The following HIPK2 variants were observed in gnomAD, a reference collection of about 807,000 sequenced individuals.
HIPK2 encodes homeodomain interacting protein kinase 2, also known as homeodomain-interacting protein kinase 2.
A neutral mutation model predicts 113.7 loss-of-function variants in HIPK2; 27 were observed. The observed-to-expected ratio is 0.24, with a 90% CI of 0.17 to 0.33. The LOEUF (loss-of-function observed/expected upper bound fraction) is 0.33, where lower values mean the gene tolerates loss of function less well. HIPK2 is among the 10% of genes least tolerant of loss of function. The probability of loss-of-function intolerance (pLI) is 1.00; values close to 1 mark genes in which losing one functional copy is unlikely to be tolerated. For missense variants in HIPK2, 1,257 were observed against 1,588.0 expected (o/e 0.79, Z 3.54); for synonymous variants, 631 against 642.2 (o/e 0.98, Z 0.26).
intron 2 of HIPK2, among the ~76,000 whole-genome samples, chr7:139,706,088 A>G (rs1794891273): frequency 6.6e-6 from 1 of 152,178 alleles, no homozygotes; most frequent in Non-Finnish European, 1.5e-5. Context: ...GTCTTGCTGC[A>G]TTTGGCCCCT....
intron 7 of HIPK2, among the ~76,000 whole-genome samples, chr7:139,617,217 TAATAACAAGA>T (rs1234186237): frequency 6.6e-6 from 1 of 152,102 alleles, no homozygotes; most frequent in Non-Finnish European, 1.5e-5. Flanking sequence ...TGACAGATAG[TAATAACAAGA>T]AAAAACAAGT....
rs756817319 is a variant in HIPK2 at position 139,631,188 on chromosome 7, G to A, written c.1324C>T (p.Pro442Ser). 6.2e-7 allele frequency: 1 copy of A among 1,613,370 alleles called. No homozygotes were observed. The highest frequency in any genetic ancestry group is 1.1e-5 in the South Asian group (1 of 90,822). ...TRFFNRDTDS[P>S]YPLWRLKTPD... is the part of the protein sequence containing the mutation. Reference sequence around the variant, plus strand: ...ACCTTCAGTCTCCACAAAGGATATGGTGAGTCCGTGTCACGGTTGAAAAAC... The same window carrying A: ...ACCTTCAGTCTCCACAAAGGATATGATGAGTCCGTGTCACGGTTGAAAAAC... The change falls in exon 4 of 15, where the codon CCA (proline) becomes TCA (serine). Residue 442 changes from proline (P) to serine (S), a missense_variant. Around this residue, in one of 5 missense-constraint regions of HIPK2, gnomAD observed 84 missense variants for 182.2 expected, o/e 0.46. Coordinates refer to ENST00000406875, the MANE Select transcript of HIPK2 (RefSeq NM_022740.5). This position sits in a 1 kb window ranked among gnomAD's most constrained non-coding sequence, Gnocchi z 4.9.
chr7:139,734,241 T>C (rs1795875518), intron 1 of HIPK2, among the ~76,000 whole-genome samples: 1 of 152,192 alleles, frequency 6.6e-6, no homozygotes, highest in Admixed American at 6.5e-5. Flanking sequence ...GAGATCAATG[T>C]GTCAAATGAT....
chr7:139,747,562 A>G (rs1396954823), intron 1 of HIPK2, among the ~76,000 whole-genome samples: 1 of 152,246 alleles, frequency 6.6e-6, no homozygotes, highest in Non-Finnish European at 1.5e-5. Flanking sequence ...GGAACGGCAG[A>G]CAAAGCCTCA....
At chr7:139,669,093 C>T (rs1282260137) in intron 2 of HIPK2, among the ~76,000 whole-genome samples, 1 of 152,220 alleles carries the variant, frequency 6.6e-6, no homozygotes, top group Admixed American at 6.5e-5. Context: ...ATCTCTTTCT[C>T]TGGATTAATC....
intron 1 of HIPK2, among the ~76,000 whole-genome samples, chr7:139,759,565 C>T (rs887093066): frequency 6.6e-6 from 1 of 152,018 alleles, no homozygotes; most frequent in Non-Finnish European, 1.5e-5. Context: ...CATCACACAT[C>T]AACAAAATGG....
chr7:139,644,061 CA>C (rs1467974406), intron 2 of HIPK2, among the ~76,000 whole-genome samples: 1 of 152,188 alleles, frequency 6.6e-6, no homozygotes, highest in Non-Finnish European at 1.5e-5. Context: ...CAAATGTTTG[CA>C]GAAGCACCTA....
At chr7:139,647,415 A>C (rs1801274403) in intron 2 of HIPK2, among the ~76,000 whole-genome samples, 2 of 152,330 alleles carry the variant, frequency 1.3e-5, no homozygotes, top group South Asian at 2.1e-4. Flanking sequence ...GATTGTGTGA[A>C]GAAGAAGTGA....
chr7:139,663,895 C>T (rs947352157), intron 2 of HIPK2, among the ~76,000 whole-genome samples: 5 of 152,208 alleles, frequency 3.3e-5, no homozygotes, highest in Non-Finnish European at 7.3e-5. Flanking sequence ...ACGAGTCTTC[C>T]TTCACCAGCT....
chr7:139,736,773 A>T (rs1795950391), intron 1 of HIPK2, among the ~76,000 whole-genome samples: 1 of 152,212 alleles, frequency 6.6e-6, no homozygotes. Context: ...CCATTTACCC[A>T]ACTAGGGTGC....
chr7:139,672,623 TA>T (rs1193809142), intron 2 of HIPK2, among the ~76,000 whole-genome samples: 2 of 152,148 alleles, frequency 1.3e-5, no homozygotes, highest in Non-Finnish European at 2.9e-5. Flanking sequence ...CACGCCCGCC[TA>T]ATTTTTTGTA....
chr7:139,722,759 C>T (rs375799432), intron 1 of HIPK2, among the ~76,000 whole-genome samples: 4 of 152,144 alleles, frequency 2.6e-5, no homozygotes, highest in Non-Finnish European at 4.4e-5. Flanking sequence ...TTCATTCTCA[C>T]AAAGGTCCTA....
intron 13 of HIPK2, among the ~76,000 whole-genome samples, chr7:139,575,933 G>T (rs1798476192): frequency 6.6e-6 from 1 of 152,368 alleles, no homozygotes. Context: ...CTGGCATCCT[G>T]TTCTTGGACT....
intron 2 of HIPK2, among the ~76,000 whole-genome samples, chr7:139,699,350 G>A (rs958344615): frequency 3.9e-5 from 6 of 152,118 alleles, no homozygotes; most frequent in East Asian, 1.9e-4. Flanking sequence ...CAGGCGAAAT[G>A]GAAAGTATTT....
intron 1 of HIPK2, among the ~76,000 whole-genome samples, chr7:139,728,307 C>G (rs1467287074): frequency 6.6e-6 from 1 of 152,118 alleles, no homozygotes; most frequent in South Asian, 2.1e-4. Flanking sequence ...ATGAATCTGC[C>G]AGGGTTGGGG....
intron 12 of HIPK2, among the ~76,000 whole-genome samples, chr7:139,587,153 G>T (rs552147194): frequency 6.6e-6 from 1 of 152,206 alleles, no homozygotes; most frequent in Non-Finnish European, 1.5e-5. Flanking sequence ...CACATTCAAC[G>T]GGTGAACTAT....
At position 139,562,153 on chromosome 7, in the gene HIPK2, TAGGAAAA is replaced by T; in HGVS notation, c.*10767_*10773del. ...AAATAAAAAAGAGGGACAATTCACA[TAGGAAAA>T]AGAGGTACACGAGAAAATACTGTTG... On this transcript the variant is annotated 3_prime_UTR_variant, in exon 15 of 15. Transcript: ENST00000406875. 1 of 152,254 alleles carries T rather than the reference TAGGAAAA, an allele frequency of 6.6e-6. No homozygotes were observed. The highest frequency in any genetic ancestry group is 1.9e-4 in the East Asian group (1 of 5,184). 9.4% of individuals were successfully genotyped at this position (152,254 alleles called of 1,614,324 possible). A position where few individuals can be genotyped will look rare whatever the true frequency, so the allele number is the denominator to read the frequency against.
rs11353760 is a variant in HIPK2, at chr7:139,604,683, C to CAAAAA, written c.2113-465_2113-461dup. Reference sequence around the variant, plus strand: ...TGGGCGACAGAGCGAGACTCCGTCTCAAAAAAAAAAAAAAAAAAAAAAAAA... The same window carrying CAAAAA: ...TGGGCGACAGAGCGAGACTCCGTCTCAAAAAAAAAAAAAAAAAAAAAAAAAAAAAA... On this transcript the variant is annotated intron_variant, in intron 9 of 14. Coordinates refer to ENST00000406875, the MANE Select transcript of HIPK2 (RefSeq NM_022740.5). Among the ~76,000 whole-genome samples the CAAAAA allele has an allele frequency of 1.4e-3, 70 of 48,800 alleles. 1 individual carries two copies. Among genetic ancestry groups the CAAAAA allele is most frequent in the African/African-American group, 4.8e-3 (63 of 13,034 alleles). The allele number at this position is 48,800 out of a possible 152,430, so 32.0% of individuals were successfully genotyped here.
At chr7:139,770,939 C>G (rs1040393888) in intron 1 of HIPK2, among the ~76,000 whole-genome samples, 2 of 152,140 alleles carry the variant, frequency 1.3e-5, no homozygotes, top group East Asian at 1.9e-4. Flanking sequence ...TCTGCCTTTT[C>G]TTTTTTGGCA....
Sources: gnomAD v4.1 joint callset for allele counts (sites outside exome capture counted in the v4.1 genomes callset) on GRCh38, gnomAD v4.1.1 for gene constraint, gnomAD v4.1.1 regional missense constraint, Gnocchi (gnomAD v3.1) non-coding constraint, MANE v1.5 for transcripts, NCBI Gene and HGNC (gene_info 2026-07-23, HGNC 2026-07-21) for gene names.